The following IPPK variants were observed in gnomAD, a reference collection of about 807,000 sequenced individuals.
IPPK encodes the protein inositol-pentakisphosphate 2-kinase, also known as IPK1 homolog.
A neutral mutation model predicts 64.6 loss-of-function variants in IPPK; 22 were observed. The observed-to-expected ratio is 0.34, with a 90% CI of 0.24 to 0.49. IPPK has a LOEUF of 0.49. Ranked by LOEUF, IPPK falls within the 20% of genes least tolerant of loss-of-function variation. The pLI, the probability that IPPK is intolerant of heterozygous loss-of-function variation, is 0.99. For missense variants in IPPK, 532 were observed against 630.7 expected (o/e 0.84, Z 1.68); for synonymous variants, 262 against 247.2 (o/e 1.06, Z -0.56).
At chr9:92,665,319 G>A (rs1014509462) in intron 1 of IPPK, among the ~76,000 whole-genome samples, 3 of 152,220 alleles carry the variant, frequency 2.0e-5, no homozygotes, top group African/African-American at 4.8e-5. Flanking sequence ...GAACATAAAC[G>A]TATGTGCTTT....
At chr9:92,619,283 A>G (rs1272890664) in intron 12 of IPPK, 4 of 564,122 alleles carry the variant, frequency 7.1e-6, no homozygotes, top group Non-Finnish European at 9.6e-6. Flanking sequence ...GTTATTCTCC[A>G]TAAATCTGTC....
intron 1 of IPPK, among the ~76,000 whole-genome samples, chr9:92,665,794 T>C (rs189578227): frequency 1.4e-4 from 21 of 152,120 alleles, no homozygotes; most frequent in African/African-American, 4.6e-4. Context: ...TATTAAAATA[T>C]ACAAAATCAT....
At chr9:92,654,911 T>C (rs1048932106) in intron 3 of IPPK, among the ~76,000 whole-genome samples, 2 of 152,310 alleles carry the variant, frequency 1.3e-5, no homozygotes, top group Admixed American at 6.5e-5. Context: ...CCAGAGAGCG[T>C]CCAACCTCAC....
rs571952959 is a variant in IPPK, at chr9:92,623,708, C to G, written c.1171-4143G>C. 5.9e-5 allele frequency among the ~76,000 whole-genome samples: 9 copies of G among 152,278 alleles called. No individual in the cohort carries two copies. The East Asian group carries it at 1.7e-3, about 29-fold the overall frequency. Reference sequence around the variant, plus strand: ...CACACACACCAGAATGGGTGAAATTCAGAAGACCCACAACTAAGTGTAAGA... The same window carrying G: ...CACACACACCAGAATGGGTGAAATTGAGAAGACCCACAACTAAGTGTAAGA... On this transcript the variant is annotated intron_variant, in intron 11 of 12. Coordinates refer to ENST00000287996, the MANE Select transcript of IPPK (RefSeq NM_022755.6).
At chr9:92,624,092 T>TG (rs1262637924) in intron 11 of IPPK, among the ~76,000 whole-genome samples, 4 of 152,164 alleles carry the variant, frequency 2.6e-5, no homozygotes, top group African/African-American at 9.7e-5. Flanking sequence ...ATCCCAACAC[T>TG]TTGGGACACC....
chr9:92,631,291 G>A (rs1851841217), intron 11 of IPPK, among the ~76,000 whole-genome samples: 1 of 151,518 alleles, frequency 6.6e-6, no homozygotes, highest in African/African-American at 2.4e-5. Context: ...CACCTCCCGG[G>A]TTCAAGCGAT....
chr9:92,660,107 C>T (rs958596416), intron 1 of IPPK, among the ~76,000 whole-genome samples: 6 of 152,134 alleles, frequency 3.9e-5, no homozygotes, highest in African/African-American at 1.4e-4. Context: ...GAAGTCCTAA[C>T]TCTAGACAGC....
intron 11 of IPPK, 75 bp from the exon 12 acceptor site, chr9:92,619,640 A>G (rs1851560741): frequency 2.3e-6 from 3 of 1,318,164 alleles, no homozygotes; most frequent in Non-Finnish European, 3.2e-6. Flanking sequence ...CCTTCCCAGT[A>G]GCCAAGTGTG....
At chr9:92,658,562 T>C in intron 2 of IPPK, 72 bp downstream of exon 2, 1 of 1,274,948 alleles carries the variant, frequency 7.8e-7, no homozygotes. Flanking sequence ...TCAATGTTTC[T>C]ACATCGGAAA....
chr9:92,647,414 C>T (rs1295084880), intron 6 of IPPK, among the ~76,000 whole-genome samples: 1 of 152,080 alleles, frequency 6.6e-6, no homozygotes, highest in Admixed American at 6.6e-5. Flanking sequence ...TAACTCATTC[C>T]ATGAAGCCAG....
At chr9:92,658,459 C>T (rs912366512) in intron 2 of IPPK, among the ~76,000 whole-genome samples, 175 bp downstream of exon 2, 10 of 152,240 alleles carry the variant, frequency 6.6e-5, no homozygotes, top group African/African-American at 2.4e-4. Flanking sequence ...CATGGGTTAA[C>T]GTGCTGGACC....
chr9:92,637,928 C>A, intron 9 of IPPK, 73 bp downstream of exon 9: 1 of 1,413,600 alleles, frequency 7.1e-7, no homozygotes, highest in Non-Finnish European at 9.3e-7. Flanking sequence ...GACCGCCTGG[C>A]CACCCATGGG....
rs560482467 is a variant in IPPK, at chr9:92,644,870, G to A, written c.505-2060C>T. ...CTTTCAACCTATCATCACAAAACAC[G>A]CAAAGAAACAAGAAAGTATTGCCCA... On this transcript the variant is annotated intron_variant, in intron 6 of 12. Coordinates refer to ENST00000287996, the MANE Select transcript of IPPK (RefSeq NM_022755.6). Among the ~76,000 whole-genome samples the A allele has an allele frequency of 7.9e-5, 12 of 152,116 alleles. No individual in the cohort carries two copies. In the South Asian group the frequency reaches 1.9e-3, roughly 24 times the overall value.
intron 1 of IPPK, among the ~76,000 whole-genome samples, chr9:92,662,087 C>CA (rs1852496606): frequency 6.6e-6 from 1 of 152,222 alleles, no homozygotes; most frequent in Non-Finnish European, 1.5e-5. Context: ...CAAGAACCAA[C>CA]ACCCCAGCAG....
intron 6 of IPPK, among the ~76,000 whole-genome samples, chr9:92,644,526 A>G (rs1287695831): frequency 6.6e-6 from 1 of 152,104 alleles, no homozygotes; most frequent in African/African-American, 2.4e-5. Context: ...GAAAGATCAC[A>G]CTTGCAAGGC....
chr9:92,637,875 C>T (rs1851971122), intron 9 of IPPK, 126 bp downstream of exon 9: 6 of 1,035,298 alleles, frequency 5.8e-6, no homozygotes, highest in Admixed American at 3.1e-5. Context: ...GGAGCCCTGG[C>T]GTAACCAGGT....
intron 6 of IPPK, 77 bp from the exon 7 acceptor site, chr9:92,642,887 G>C: frequency 8.8e-7 from 1 of 1,138,020 alleles, no homozygotes; most frequent in Admixed American, 1.7e-5. Context: ...ACACAGAACA[G>C]CATCAGTGAT....
chr9:92,663,496 T>C (rs1434466801), intron 1 of IPPK, among the ~76,000 whole-genome samples: 1 of 152,248 alleles, frequency 6.6e-6, no homozygotes, highest in Non-Finnish European at 1.5e-5. Context: ...TGCACCAAAG[T>C]GTTAACAAAA....
intron 9 of IPPK, among the ~76,000 whole-genome samples, chr9:92,637,765 A>T (rs963912936): frequency 6.6e-6 from 1 of 152,236 alleles, no homozygotes; most frequent in South Asian, 2.1e-4. Flanking sequence ...TCTGGGGGAA[A>T]ATCCTACAGC....
Sources: gnomAD v4.1 joint callset for allele counts (sites outside exome capture counted in the v4.1 genomes callset) on GRCh38, gnomAD v4.1.1 for gene constraint, MANE v1.5 for transcripts, NCBI Gene and HGNC (gene_info 2026-07-23, HGNC 2026-07-21) for gene names.